The following ATIC variants were observed in gnomAD, a reference collection of about 807,000 sequenced individuals.
ATIC encodes the protein 5-aminoimidazole-4-carboxamide ribonucleotide formyltransferase/IMP cyclohydrolase.
Under a neutral mutation model 72.5 loss-of-function variants are expected in ATIC, and 64 were observed. That is an observed-to-expected ratio of 0.88 (90% confidence interval 0.72 to 1.09). ATIC has a LOEUF of 1.09. Ranked by LOEUF, ATIC falls within the 50% of genes least tolerant of loss-of-function variation. The pLI is 0.00. For synonymous variants in ATIC, 281 were observed against 267.1 expected (o/e 1.05, Z -0.51); for missense variants, 787 against 732.4 (o/e 1.07, Z -0.86).
In ATIC at chr2:215,349,244, A is replaced by G. The variant is rs1389373911; in HGVS notation, c.1654A>G (p.Lys552Glu). ...TTTCCGAGATAACGTAGACAGAGCT[A>G]AAAGGGTAAGTATGGAATTGGGTGC... ...FPFRDNVDRA[K>E]RSGVAYIAAP... Residue 552 changes from lysine (K) to glutamate (E), a missense_variant, in exon 15 of 16, where the codon AAA (lysine) becomes GAA (glutamate). Coordinates refer to ENST00000236959, the MANE Select transcript of ATIC (RefSeq NM_004044.7). The G allele has an allele frequency of 2.5e-6, 4 of 1,614,150 alleles. No individual in the cohort carries two copies. The highest frequency in any genetic ancestry group is 2.2e-5 in the East Asian group (1 of 44,880).
At chr2:215,320,269 C>A (rs1391778057) in intron 4 of ATIC, among the ~76,000 whole-genome samples, 1 of 152,202 alleles carries the variant, frequency 6.6e-6, no homozygotes, top group Non-Finnish European at 1.5e-5. Context: ...CCATACAACT[C>A]ACCAATTTAA....
At chr2:215,326,732 G>C in intron 6 of ATIC, 90 bp from the exon 7 acceptor site, 1 of 1,482,030 alleles carries the variant, frequency 6.7e-7, no homozygotes, top group Non-Finnish European at 9.4e-7. Flanking sequence ...GAATAGTGAG[G>C]AGATGTTGTT....
chr2:215,351,320 A>G (rs1186379123), downstream of ATIC, among the ~76,000 whole-genome samples: 1 of 152,238 alleles, frequency 6.6e-6, no homozygotes, highest in East Asian at 1.9e-4. Context: ...CCACAGATAC[A>G]GAGAGATGCA....
chr2:215,365,354 C>G, the ATIC span: 1 of 862,032 alleles, frequency 1.2e-6, no homozygotes, highest in Non-Finnish European at 1.9e-6. Context: ...AAGCTTGTCT[C>G]CACTTTCCCA....
chr2:215,355,810 G>A, the ATIC span, among the ~76,000 whole-genome samples: 3 of 152,172 alleles, frequency 2.0e-5, no homozygotes, highest in African/African-American at 4.8e-5. Flanking sequence ...GCTTGATTAC[G>A]GCTCCATCTT....
chr2:215,339,234 T>C lies in ATIC; in HGVS notation c.1227+327T>C, dbSNP rs181808267. Among the ~76,000 whole-genome samples the C allele has an allele frequency of 2.1e-4, 32 of 152,340 alleles. No individual in the cohort carries two copies. In the East Asian group the frequency reaches 4.6e-3, roughly 22 times the overall value. On this transcript the variant is annotated intron_variant, in intron 12 of 15. Coordinates refer to ENST00000236959, the MANE Select transcript of ATIC (RefSeq NM_004044.7). ...AAATGTGTTTTTATATCAATACATATAGATGCTGGGTGCAGTAGCTGACAT... is the reference window on the plus strand; with the variant it reads ...AAATGTGTTTTTATATCAATACATACAGATGCTGGGTGCAGTAGCTGACAT...
the ATIC span, chr2:215,363,201 C>T: frequency 2.0e-5 from 3 of 152,066 alleles, no homozygotes; most frequent in Non-Finnish European, 4.4e-5. Flanking sequence ...TTTCATTTAG[C>T]ACTTGAGAAT....
At chr2:215,357,331 A>G in the ATIC span, among the ~76,000 whole-genome samples, 1 of 152,156 alleles carries the variant, frequency 6.6e-6, no homozygotes, top group South Asian at 2.1e-4. Context: ...GCTTCAGGGC[A>G]CTTGACGCCA....
At position 215,344,761 on chromosome 2, in the gene ATIC, A is replaced by G. The variant is rs1449304543; in HGVS notation, c.1228-18A>G. ...TTTAAAAGGCCCCATGCAATTTACC[A>G]TTGTGTATGTGTTTCAGTTGCCAGA... On this transcript the variant is annotated intron_variant, in intron 12 of 15. Coordinates refer to ENST00000236959, the MANE Select transcript of ATIC (RefSeq NM_004044.7). The G allele has an allele frequency of 1.9e-6, 3 of 1,608,944 alleles. No homozygotes were observed. The highest frequency in any genetic ancestry group is 2.7e-5 in the African/African-American group (2 of 74,850).
chr2:215,343,648 T>A (rs2053042904), intron 12 of ATIC, among the ~76,000 whole-genome samples: 1 of 152,206 alleles, frequency 6.6e-6, no homozygotes, highest in South Asian at 2.1e-4. Context: ...TTACAGAGTT[T>A]TTAAAGTTTT....
Position 215,349,265 on chromosome 2 carries a change from G to C in ATIC, c.1659+16G>C. 2 of 1,613,940 alleles carry C rather than the reference G, an allele frequency of 1.2e-6. No homozygotes were observed. The highest frequency in any genetic ancestry group is 1.7e-6 in the Non-Finnish European group (2 of 1,180,012). On this transcript the variant is annotated intron_variant, in intron 15 of 15. Coordinates refer to ENST00000236959, the MANE Select transcript of ATIC (RefSeq NM_004044.7). ...AGCTAAAAGGGTAAGTATGGAATTG[G>C]GTGCATTTGCTTAGAGTTGAGCATT...
chr2:215,359,007 C>T, the ATIC span, among the ~76,000 whole-genome samples: 1 of 152,126 alleles, frequency 6.6e-6, no homozygotes, highest in Non-Finnish European at 1.5e-5. Context: ...CTCAGTCTCC[C>T]GAGTTATGGG....
At chr2:215,334,829 A>G in intron 9 of ATIC, 90 bp from the exon 10 acceptor site, 2 of 1,045,822 alleles carry the variant, frequency 1.9e-6, no homozygotes, top group Middle Eastern at 2.4e-4. Flanking sequence ...GCTTTAGAGT[A>G]ATGAATTTTA....
intron 7 of ATIC, among the ~76,000 whole-genome samples, chr2:215,329,649 G>T (rs947870038): frequency 6.6e-6 from 1 of 152,144 alleles, no homozygotes; most frequent in Admixed American, 6.5e-5. Flanking sequence ...TTGGAAAGAA[G>T]AAAATTCCTA....
Position 215,333,460 on chromosome 2 carries a change from C to G in ATIC, c.922+3C>G, listed in dbSNP as rs779764592. ...AGCGGCATATGCAAGAGCAAGAGGTCAGACTCATAGGGCTTTTTGATTTGG... is the reference window on the plus strand; with the variant it reads ...AGCGGCATATGCAAGAGCAAGAGGTGAGACTCATAGGGCTTTTTGATTTGG... On this transcript the variant is annotated splice_donor_region_variant and intron_variant, in intron 9 of 15. Coordinates refer to ENST00000236959, the MANE Select transcript of ATIC (RefSeq NM_004044.7). The G allele has an allele frequency of 1.9e-6, 3 of 1,611,864 alleles. No individual in the cohort carries two copies. In the Admixed American group the frequency reaches 5.0e-5, roughly 27 times the overall value.
At chr2:215,361,316 T>TATTTTA in the ATIC span, 1 of 533,464 alleles carries the variant, frequency 1.9e-6, no homozygotes, top group East Asian at 3.4e-5. Context: ...TACTGAGCGG[T>TATTTTA]ATTGAATACT....
chr2:215,357,289 AT>A, the ATIC span, among the ~76,000 whole-genome samples: 1 of 152,164 alleles, frequency 6.6e-6, no homozygotes, highest in Non-Finnish European at 1.5e-5. Context: ...CCTTTGATGT[AT>A]CTTGCCTAAG....
the ATIC span, chr2:215,367,698 A>G: frequency 1.4e-6 from 1 of 735,274 alleles, no homozygotes; most frequent in Non-Finnish European, 2.3e-6. Flanking sequence ...ATTTCCCATC[A>G]TTTTTCTATG....
At chr2:215,328,189 A>C (rs2052850636) in intron 7 of ATIC, among the ~76,000 whole-genome samples, 1 of 152,050 alleles carries the variant, frequency 6.6e-6, no homozygotes, top group Non-Finnish European at 1.5e-5. Flanking sequence ...TCTCAGATAC[A>C]CTTTGACACT....
Sources: allele counts gnomAD v4.1 joint callset (sites outside exome capture counted in the v4.1 genomes callset), GRCh38; gene constraint gnomAD v4.1.1; transcripts MANE v1.5; gene names NCBI Gene and HGNC (gene_info 2026-07-23, HGNC 2026-07-21).